Variants in HOMER1 observed in about 807,000 individuals in gnomAD.
HOMER1 encodes homer protein homolog 1.
A neutral mutation model predicts 48.9 loss-of-function variants in HOMER1; 3 were observed. The ratio of observed to expected loss-of-function variants is 0.06; its 90% confidence interval spans 0.03 to 0.16. HOMER1 has a LOEUF of 0.16. HOMER1 is among the 10% of genes least tolerant of loss of function. The probability of loss-of-function intolerance (pLI) is 1.00; values close to 1 mark genes in which losing one functional copy is unlikely to be tolerated. For missense variants in HOMER1, 247 were observed against 411.4 expected (o/e 0.60, Z 3.46); for synonymous variants, 134 against 146.4 (o/e 0.92, Z 0.61).
At chr5:79,383,906 C>A (rs1335853486) in intron 8 of HOMER1, among the ~76,000 whole-genome samples, 2 of 151,860 alleles carry the variant, frequency 1.3e-5, no homozygotes, top group Non-Finnish European at 2.9e-5. Flanking sequence ...TCCTGAGCAA[C>A]CATTGGGTCA....
chr5:79,501,454 G>A lies in HOMER1; in HGVS notation c.5+11316C>T, dbSNP rs149148825. Reference sequence around the variant, plus strand: ...TCAAAAGGTAAATGTGAGTTGGTGGGGCAATTAGTACCTCTAACCCCCACC... The same window carrying A: ...TCAAAAGGTAAATGTGAGTTGGTGGAGCAATTAGTACCTCTAACCCCCACC... On this transcript the variant is annotated intron_variant, in intron 1 of 8. Transcript: ENST00000334082. Among the ~76,000 whole-genome samples the A allele has an allele frequency of 4.3e-3, 656 of 152,144 alleles. 9 individuals carry two copies. The highest frequency in any genetic ancestry group is 0.015 in the African/African-American group (627 of 41,494).
At chr5:79,390,927 C>T (rs1270516549) in intron 8 of HOMER1, among the ~76,000 whole-genome samples, 1 of 151,614 alleles carries the variant, frequency 6.6e-6, no homozygotes, top group Non-Finnish European at 1.5e-5. Flanking sequence ...ATGGGATATA[C>T]TTAAAGCAAT....
At chr5:79,434,168 C>T (rs1159997924) in intron 5 of HOMER1, among the ~76,000 whole-genome samples, 4 of 151,852 alleles carry the variant, frequency 2.6e-5, no homozygotes, top group Non-Finnish European at 5.9e-5. Context: ...GAAAATATGA[C>T]AACAATTATT....
intron 7 of HOMER1, among the ~76,000 whole-genome samples, chr5:79,397,278 T>A (rs1052468192): frequency 6.6e-6 from 1 of 152,188 alleles, no homozygotes; most frequent in Non-Finnish European, 1.5e-5. Flanking sequence ...GTTGACTGTA[T>A]AAATGCAACT....
chr5:79,435,198 G>C (rs1247704685), intron 5 of HOMER1, among the ~76,000 whole-genome samples: 1 of 152,040 alleles, frequency 6.6e-6, no homozygotes, highest in Non-Finnish European at 1.5e-5. Flanking sequence ...AAGACTTAAA[G>C]AACAAACTAA....
intron 1 of HOMER1, among the ~76,000 whole-genome samples, chr5:79,460,930 G>C (rs1383616326): frequency 6.6e-6 from 1 of 152,156 alleles, no homozygotes; most frequent in Non-Finnish European, 1.5e-5. Flanking sequence ...TAGCAAGGAT[G>C]GGCCACAGAA....
chr5:79,386,139 A>C (rs987511695), intron 8 of HOMER1, among the ~76,000 whole-genome samples: 2 of 152,230 alleles, frequency 1.3e-5, no homozygotes, highest in African/African-American at 4.8e-5. Flanking sequence ...GAAATAAATC[A>C]GTACATCAAA....
At chr5:79,492,669 C>T in intron 1 of HOMER1, among the ~76,000 whole-genome samples, 1 of 152,124 alleles carries the variant, frequency 6.6e-6, no homozygotes, top group African/African-American at 2.4e-5. Flanking sequence ...GACTTGGTTT[C>T]AGGATGTTTT....
chr5:79,461,347 T>C (rs576562256), intron 1 of HOMER1, among the ~76,000 whole-genome samples: 1 of 152,316 alleles, frequency 6.6e-6, no homozygotes, highest in African/African-American at 2.4e-5. Context: ...ATAAACTGTA[T>C]AAAACTCATA....
intron 6 of HOMER1, 84 bp from the exon 7 acceptor site, chr5:79,397,721 T>G: frequency 2.9e-6 from 2 of 678,172 alleles, no homozygotes; most frequent in Non-Finnish European, 5.0e-6. Flanking sequence ...AATAAGTGAA[T>G]AGTATATTCT....
At position 79,379,419 on chromosome 5, in the gene HOMER1, TTA is replaced by T. The variant is rs1358264376; in HGVS notation, c.877-3224_877-3223del. 3.4e-5 allele frequency among the ~76,000 whole-genome samples: 4 copies of T among 119,220 alleles called. No individual in the cohort carries two copies. The East Asian group carries it at 6.3e-4, about 19-fold the overall frequency. 78.2% of individuals were successfully genotyped at this position (119,220 alleles called of 152,430 possible). On this transcript the variant is annotated intron_variant, in intron 8 of 8. Coordinates refer to ENST00000334082, the MANE Select transcript of HOMER1 (RefSeq NM_004272.5). Reference sequence around the variant, plus strand: ...ATAAATATTTATATATTTATATATTTTATATATTATATATTTATTATATATTT... The same window carrying T: ...ATAAATATTTATATATTTATATATTTTATATTATATATTTATTATATATTT...
chr5:79,452,762 C>A (rs938083702), intron 2 of HOMER1, among the ~76,000 whole-genome samples: 1 of 152,094 alleles, frequency 6.6e-6, no homozygotes, highest in African/African-American at 2.4e-5. Flanking sequence ...TATATGAGAG[C>A]CCTTATGCTC....
At chr5:79,507,730 T>G (rs764727298) in intron 1 of HOMER1, among the ~76,000 whole-genome samples, 1 of 151,534 alleles carries the variant, frequency 6.6e-6, no homozygotes, top group Non-Finnish European at 1.5e-5. Flanking sequence ...AAAAATCACA[T>G]GGCAGTAGAG....
chr5:79,458,934 C>A (rs1751243086), intron 1 of HOMER1, among the ~76,000 whole-genome samples: 1 of 152,252 alleles, frequency 6.6e-6, no homozygotes, highest in African/African-American at 2.4e-5. Flanking sequence ...ACCCCTGCAA[C>A]CCCTATTTTT....
intron 5 of HOMER1, among the ~76,000 whole-genome samples, chr5:79,428,795 G>A (rs1750342680): frequency 6.6e-6 from 1 of 152,010 alleles, no homozygotes; most frequent in Admixed American, 6.6e-5. Flanking sequence ...CAAATAAATG[G>A]GAAAACAGCT....
chr5:79,379,037 A>T (rs1391655687), intron 8 of HOMER1, among the ~76,000 whole-genome samples: 1 of 130,012 alleles, frequency 7.7e-6, no homozygotes, highest in African/African-American at 2.9e-5. Flanking sequence ...GAGGTAACAG[A>T]AGCCATGGTG....
At chr5:79,511,729 C>G (rs907040836) in intron 1 of HOMER1, among the ~76,000 whole-genome samples, 1 of 152,192 alleles carries the variant, frequency 6.6e-6, no homozygotes. Context: ...TGTTAAACTT[C>G]AAATTCTAAC....
intron 8 of HOMER1, among the ~76,000 whole-genome samples, chr5:79,379,314 ATATATAAATATTTATATATATT>A (rs1561340657): frequency 9.6e-6 from 1 of 103,660 alleles, no homozygotes; most frequent in East Asian, 2.2e-4. Flanking sequence ...TGTAATATAA[ATATATAAATATTTATATATATT>A]TATATATTTT....
intron 5 of HOMER1, among the ~76,000 whole-genome samples, chr5:79,411,290 G>A (rs1275733845): frequency 6.6e-6 from 1 of 152,154 alleles, no homozygotes; most frequent in African/African-American, 2.4e-5. Context: ...TTCGAGGCCA[G>A]CCTGGGCAAC....
Sources: allele counts gnomAD v4.1 joint callset (sites outside exome capture counted in the v4.1 genomes callset), GRCh38; gene constraint gnomAD v4.1.1; transcripts MANE v1.5; gene names NCBI Gene and HGNC (gene_info 2026-07-23, HGNC 2026-07-21).